The following LRRC1 variants were observed in gnomAD, a reference collection of about 807,000 sequenced individuals.
LRRC1 encodes leucine-rich repeat-containing protein 1.
LRRC1 carries 28 observed loss-of-function variants against 69.9 expected under a neutral mutation model. The ratio of observed to expected loss-of-function variants is 0.40; its 90% CI spans 0.30 to 0.55. The LOEUF is 0.55. LRRC1 is among the 20% of genes least tolerant of loss of function. The pLI, the probability that LRRC1 is intolerant of heterozygous loss-of-function variation, is 0.47. For synonymous variants in LRRC1, 236 were observed against 240.2 expected, an observed-to-expected ratio of 0.98 and a Z score of 0.16; for missense variants, 498 against 609.0, an observed-to-expected ratio of 0.82 and a Z score of 1.92.
Position 53,899,833 on chromosome 6 carries a change from T to C in LRRC1, c.729T>C (p.Thr243=). 1.2e-6 allele frequency: 2 copies of C among 1,614,146 alleles called. No individual in the cohort carries two copies. The highest frequency in any genetic ancestry group is 1.7e-6 in the Non-Finnish European group (2 of 1,179,996). Residue 243 remains threonine, a synonymous_variant, in exon 8 of 14, where the codon ACT becomes ACC. Coordinates refer to ENST00000370888, the MANE Select transcript of LRRC1 (RefSeq NM_018214.5). ...ERLPEEISGL[T]SLTDLVISQN... Reference sequence around the variant, plus strand: ...TTCCTGAAGAAATCAGTGGCCTGACTTCATTAACGGATTTAGTCATTTCCC... The same window carrying C: ...TTCCTGAAGAAATCAGTGGCCTGACCTCATTAACGGATTTAGTCATTTCCC...
intron 2 of LRRC1, among the ~76,000 whole-genome samples, chr6:53,872,286 T>A (rs1301176876): frequency 6.6e-6 from 1 of 152,122 alleles, no homozygotes; most frequent in Non-Finnish European, 1.5e-5. Flanking sequence ...TTCCGTAGGT[T>A]TTTGGGGAAC....
At chr6:53,865,790 C>T (rs1185305699) in intron 2 of LRRC1, among the ~76,000 whole-genome samples, 3 of 148,780 alleles carry the variant, frequency 2.0e-5, no homozygotes, top group African/African-American at 5.0e-5. Context: ...GGTGTGATCT[C>T]GGCTCACTGC....
Position 53,923,026 on chromosome 6 carries a change from A to G in LRRC1, c.*233A>G. 2 of 434,142 alleles carry G rather than the reference A, an allele frequency of 4.6e-6. No individual in the cohort carries two copies. Among genetic ancestry groups the G allele is most frequent in the East Asian group, 3.4e-5 (1 of 29,660 alleles). 26.9% of individuals were successfully genotyped at this position (434,142 alleles called of 1,614,324 possible). On this transcript the variant is annotated 3_prime_UTR_variant, in exon 14 of 14. Coordinates refer to ENST00000370888, the MANE Select transcript of LRRC1 (RefSeq NM_018214.5). ...TTTTTTTTTAATTTCAGTTGTTTGT[A>G]ATAAGTAGAATACACTACTGTAAAC...
chr6:53,844,676 C>T (rs1178332232), intron 2 of LRRC1, among the ~76,000 whole-genome samples: 1 of 152,184 alleles, frequency 6.6e-6, no homozygotes, highest in Non-Finnish European at 1.5e-5. Flanking sequence ...TTGTATTTTT[C>T]CCCGCTCACT....
intron 2 of LRRC1, among the ~76,000 whole-genome samples, chr6:53,848,146 G>A (rs1402747005): frequency 2.6e-5 from 4 of 152,304 alleles, no homozygotes; most frequent in African/African-American, 7.2e-5. Context: ...AAGGGAGCAC[G>A]CCTCTATGCT....
intron 2 of LRRC1, among the ~76,000 whole-genome samples, chr6:53,871,529 A>G (rs1318025046): frequency 6.6e-6 from 1 of 152,156 alleles, no homozygotes; most frequent in Non-Finnish European, 1.5e-5. Context: ...TATTCTGGAT[A>G]TTAACAATCC....
rs1387015410 is a variant in LRRC1 at position 53,919,649 on chromosome 6, C to A, written c.1258C>A (p.Pro420Thr). 1 of 1,611,530 alleles carries A rather than the reference C, an allele frequency of 6.2e-7. No individual in the cohort carries two copies. The change falls in exon 12 of 14, where the codon CCT becomes ACT. Residue 420 changes from proline to threonine, a missense_variant. By Grantham distance (38) the Pro-to-Thr change is conservative (BLOSUM62 -1). This residue lies in a region of LRRC1 where 162 missense variants were observed against 162.9 expected (regional missense o/e 0.99). Transcript: ENST00000370888. ...AACCTGTGTCTTACTTCCTCAGCTG[C>A]CTTCTGAACCTACTTGTCAAGGTGA... is the stretch of plus-strand genomic sequence containing the variant. ...ILTCVLLPQL[P>T]SEPTCQENLP...
intron 2 of LRRC1, among the ~76,000 whole-genome samples, chr6:53,868,851 G>A (rs1480544308): frequency 6.6e-6 from 1 of 152,100 alleles, no homozygotes; most frequent in Non-Finnish European, 1.5e-5. Flanking sequence ...TCTCATCACT[G>A]TGCATCAAAT....
intron 1 of LRRC1, among the ~76,000 whole-genome samples, chr6:53,840,281 T>C (rs1422179756): frequency 6.6e-6 from 1 of 152,200 alleles, no homozygotes; most frequent in East Asian, 1.9e-4. Context: ...GAATAATGAT[T>C]TTTTTGGAAT....
At chr6:53,920,444 G>C (rs1768702834) in intron 12 of LRRC1, 181 bp from the exon 13 acceptor site, 1 of 543,256 alleles carries the variant, frequency 1.8e-6, no homozygotes, top group Non-Finnish European at 3.2e-6. Context: ...TTTTCTTTTT[G>C]TTTTTGAATT....
At chr6:53,877,833 C>A (rs188320472) in intron 2 of LRRC1, among the ~76,000 whole-genome samples, 3 of 152,332 alleles carry the variant, frequency 2.0e-5, no homozygotes, top group Admixed American at 2.0e-4. Flanking sequence ...TCTGAGCCCT[C>A]CAGACTGCTC....
At chr6:53,868,540 C>T (rs1419782706) in intron 2 of LRRC1, among the ~76,000 whole-genome samples, 3 of 152,098 alleles carry the variant, frequency 2.0e-5, no homozygotes, top group African/African-American at 7.2e-5. Flanking sequence ...TGATGCTACT[C>T]TTCAAATTAT....
At chr6:53,854,625 G>C (rs2127420747) in intron 2 of LRRC1, among the ~76,000 whole-genome samples, 1 of 152,266 alleles carries the variant, frequency 6.6e-6, no homozygotes, top group Admixed American at 6.5e-5. Flanking sequence ...TGTGACTCAT[G>C]AGTAGTGAAT....
At chr6:53,871,654 G>GTTTGT (rs991914328) in intron 2 of LRRC1, among the ~76,000 whole-genome samples, 8 of 152,132 alleles carry the variant, frequency 5.3e-5, no homozygotes, top group East Asian at 3.9e-4. Context: ...AATCCCATCT[G>GTTTGT]TTTGTTTTGT....
At position 53,884,889 on chromosome 6, in the gene LRRC1, A is replaced by AT. The variant is rs1019741705; in HGVS notation, c.446+1920dup. Among the ~76,000 whole-genome samples the AT allele has an allele frequency of 3.4e-4, 52 of 152,118 alleles. 1 individual carries two copies. The highest frequency in any genetic ancestry group is 1.1e-3 in the African/African-American group (47 of 41,484). ...GTACCTGCTTTTGTCAGTGTTCAAG[A>AT]TTTTTTTGTTTTGTTTTGTTTGTGG... is the stretch of plus-strand genomic sequence containing the variant. On this transcript the variant is annotated intron_variant, in intron 4 of 13. Coordinates refer to ENST00000370888, the MANE Select transcript of LRRC1 (RefSeq NM_018214.5).
chr6:53,906,947 T>G (rs143239359), intron 10 of LRRC1, among the ~76,000 whole-genome samples: 1 of 152,332 alleles, frequency 6.6e-6, no homozygotes, highest in Admixed American at 6.5e-5. Context: ...TGTCTCCAAT[T>G]CTCCCTCGGA....
chr6:53,845,975 C>T (rs1164775945), intron 2 of LRRC1, among the ~76,000 whole-genome samples: 1 of 152,210 alleles, frequency 6.6e-6, no homozygotes, highest in Non-Finnish European at 1.5e-5. Flanking sequence ...GATCTTCCGG[C>T]CATTCCTTGT....
In LRRC1 at chr6:53,811,824, T is replaced by C. The variant is rs1050437449; in HGVS notation, c.159+16409T>C. On this transcript the variant is annotated intron_variant, in intron 1 of 13. Transcript: ENST00000370888. ...GACTACAAAGGCGCAGGCTTTTACATGCGAGGTACTAATCTGACAGGCCCT... is the reference window on the plus strand; with the variant it reads ...GACTACAAAGGCGCAGGCTTTTACACGCGAGGTACTAATCTGACAGGCCCT... Among the ~76,000 whole-genome samples the C allele has an allele frequency of 3.3e-5, 5 of 152,354 alleles. No individual in the cohort carries two copies. In the East Asian group the frequency reaches 9.6e-4, roughly 29 times the overall value.
intron 2 of LRRC1, among the ~76,000 whole-genome samples, chr6:53,878,311 G>A (rs1000517905): frequency 6.6e-6 from 1 of 152,128 alleles, no homozygotes; most frequent in African/African-American, 2.4e-5. Flanking sequence ...GACAAATGAA[G>A]CTCATTACAT....
Sources: gnomAD v4.1 joint callset for allele counts (sites outside exome capture counted in the v4.1 genomes callset) on GRCh38, gnomAD v4.1.1 for gene constraint, gnomAD v4.1.1 regional missense constraint, MANE v1.5 for transcripts, NCBI Gene and HGNC (gene_info 2026-07-23, HGNC 2026-07-21) for gene names.